ARSG: variants seen among roughly 807,000 people sequenced by gnomAD.
ARSG encodes arylsulfatase G, also known as ASG.
In ARSG, 37 loss-of-function variants were observed where a neutral mutation model predicts 50.5. The observed-to-expected ratio is 0.73, with a 90% CI of 0.56 to 0.96. The LOEUF is 0.96. Among genes scored for constraint, ARSG ranks in the 50% least tolerant of loss-of-function variants. The pLI, the probability that ARSG is intolerant of heterozygous loss-of-function variation, is 0.00. For synonymous variants in ARSG, 225 were observed against 254.6 expected, an observed-to-expected ratio of 0.88 and a Z score of 1.11; for missense variants, 629 against 675.3, an observed-to-expected ratio of 0.93 and a Z score of 0.76.
intron 4 of ARSG, among the ~76,000 whole-genome samples, chr17:68,348,646 C>T (rs575890037): frequency 2.6e-5 from 4 of 152,242 alleles, no homozygotes; most frequent in East Asian, 3.9e-4. Flanking sequence ...CAACCTCCGC[C>T]TCCCAGGTTC....
intron 1 of ARSG, among the ~76,000 whole-genome samples, chr17:68,285,884 C>G (rs1235290157): frequency 6.6e-6 from 1 of 152,044 alleles, no homozygotes; most frequent in Non-Finnish European, 1.5e-5. Context: ...GTCAGCCTCC[C>G]AAGTAGCTGG....
At chr17:68,435,076 A>G in the ARSG span, among the ~76,000 whole-genome samples, 1 of 152,072 alleles carries the variant, frequency 6.6e-6, no homozygotes, top group Non-Finnish European at 1.5e-5. Flanking sequence ...GCGTGGCAGC[A>G]TGTGCCTGTA....
At chr17:68,387,667 T>C (rs922132259) in intron 9 of ARSG, among the ~76,000 whole-genome samples, 6 of 152,206 alleles carry the variant, frequency 3.9e-5, no homozygotes, top group African/African-American at 7.2e-5. Flanking sequence ...CTTCATGTTG[T>C]TGGGAGCCCA....
At chr17:68,268,948 T>C in intron 1 of ARSG, 1 of 1,464,372 alleles carries the variant, frequency 6.8e-7, no homozygotes, top group Non-Finnish European at 9.2e-7. Context: ...AAAGCGATGT[T>C]GGTAGTGCTC....
At chr17:68,430,256 G>T in the ARSG span, 1 of 1,255,374 alleles carries the variant, frequency 8.0e-7, no homozygotes, top group Non-Finnish European at 1.1e-6. Context: ...CACACTCCCC[G>T]CAGCAGGGAG....
exon 1 of ARSG, chr17:68,259,211 C>T (rs1323936663): frequency 6.6e-6 from 1 of 152,250 alleles, no homozygotes; most frequent in Non-Finnish European, 1.5e-5. Context: ...GGCCCAGCAG[C>T]TGCGAACCGC....
At chr17:68,382,680 C>T (rs2080496425) in intron 8 of ARSG, among the ~76,000 whole-genome samples, 1 of 152,166 alleles carries the variant, frequency 6.6e-6, no homozygotes, top group Non-Finnish European at 1.5e-5. Context: ...AAGTTTTGTC[C>T]ACTCCTAGCA....
chr17:68,403,869 C>T (rs2081588679), intron 11 of ARSG, among the ~76,000 whole-genome samples: 1 of 152,112 alleles, frequency 6.6e-6, no homozygotes, highest in African/African-American at 2.4e-5. Flanking sequence ...TCACCCCACC[C>T]CACGACAGGC....
upstream of ARSG, among the ~76,000 whole-genome samples, chr17:68,289,225 G>A (rs2075910582): frequency 6.6e-6 from 1 of 152,120 alleles, no homozygotes; most frequent in Admixed American, 6.6e-5. Flanking sequence ...TTGAGCCCGG[G>A]AGGTCGAGGC....
At chr17:68,422,391 T>C (rs1377398762), downstream of ARSG, 1 of 140,212 alleles carries the variant, frequency 7.1e-6, no homozygotes, top group Non-Finnish European at 1.5e-5. Flanking sequence ...ATCGCACCAC[T>C]GCACTCCAGC....
Position 68,420,332 on chromosome 17 carries a change from A to G in ARSG, c.1447A>G (p.Arg483Gly). 6.2e-7 allele frequency: 1 copy of G among 1,614,196 alleles called. No individual in the cohort carries two copies. Among genetic ancestry groups the G allele is most frequent in the Non-Finnish European group, 8.5e-7 (1 of 1,180,042 alleles). ...GTACCAGGCTGTGCTGCCCGAGGTC[A>G]GAAAGGTTCTTGCAGACGTCCTCCA... Reference protein sequence around the residue: ...AEYQAVLPEVRKVLADVLQDI... With the variant: ...AEYQAVLPEVGKVLADVLQDI... The change falls in exon 12 of 12, where the codon AGA becomes GGA. Residue 483 changes from arginine to glycine, a missense_variant. Transcript: ENST00000621439.
intron 6 of ARSG, among the ~76,000 whole-genome samples, chr17:68,362,550 C>T (rs990782639): frequency 6.6e-6 from 1 of 152,082 alleles, no homozygotes; most frequent in African/African-American, 2.4e-5. Context: ...TCCACAGCAA[C>T]TTGTATTTCT....
chr17:68,418,627 A>C (rs1410205569), intron 11 of ARSG, among the ~76,000 whole-genome samples: 1 of 152,198 alleles, frequency 6.6e-6, no homozygotes, highest in Non-Finnish European at 1.5e-5. Flanking sequence ...GCCCCTATAG[A>C]CTTCCTTGTA....
At position 68,328,177 on chromosome 17, in the gene ARSG, C is replaced by T. The variant is rs576635142; in HGVS notation, c.219-15427C>T. Among the ~76,000 whole-genome samples, 7 of 152,204 alleles carry T rather than the reference C, an allele frequency of 4.6e-5. No individual in the cohort carries two copies. In the South Asian group the frequency reaches 1.0e-3, roughly 23 times the overall value. ...CCCAGAGTTCCATCCACTCACATCC[C>T]GCTCACTTATTGCCCCTCCACACAC... is the stretch of plus-strand genomic sequence containing the variant. On this transcript the variant is annotated intron_variant, in intron 2 of 11. Transcript: ENST00000621439.
At position 68,385,138 on chromosome 17, in the gene ARSG, G is replaced by C. The variant is rs376148240; in HGVS notation, c.1057G>C (p.Val353Leu). The C allele has an allele frequency of 3.7e-6, 6 of 1,614,068 alleles. No individual in the cohort carries two copies. The highest frequency in any genetic ancestry group is 5.1e-6 in the Non-Finnish European group (6 of 1,179,966). The change falls in exon 9 of 12, where the codon GTT becomes CTT. Residue 353 changes from valine to leucine, a missense_variant. Physicochemically the swap from Val to Leu is conservative, Grantham distance 32. Transcript: ENST00000621439. ...AGCACTGGCTTACTGGCCTGGCAGA[G>C]TTCCAGTTAATGTCACCAGCACTGC... Reference protein sequence around the residue: ...VPALAYWPGRVPVNVTSTALL... With the variant: ...VPALAYWPGRLPVNVTSTALL...
intron 11 of ARSG, among the ~76,000 whole-genome samples, chr17:68,415,941 A>G (rs1208879260): frequency 1.3e-5 from 2 of 152,144 alleles, no homozygotes; most frequent in African/African-American, 4.8e-5. Flanking sequence ...AAGGCAGCAG[A>G]TGGTTGGTTG....
chr17:68,329,870 G>A (rs181373451), intron 2 of ARSG, among the ~76,000 whole-genome samples: 6 of 152,268 alleles, frequency 3.9e-5, no homozygotes, highest in East Asian at 1.9e-4. Flanking sequence ...GTGTTGGGCC[G>A]CATTCAAGCT....
chr17:68,301,136 T>C (rs1007464707), intron 1 of ARSG, among the ~76,000 whole-genome samples: 7 of 151,210 alleles, frequency 4.6e-5, no homozygotes, highest in Non-Finnish European at 1.0e-4. Context: ...AAAAAAAGCA[T>C]TTTAATTACG....
intron 4 of ARSG, 138 bp downstream of exon 4, chr17:68,347,310 G>A: frequency 1.0e-6 from 1 of 994,366 alleles, no homozygotes; most frequent in Admixed American, 2.0e-5. Context: ...GGTCATTTGA[G>A]TGCATTTGGG....
Sources: gnomAD v4.1 joint callset for allele counts (sites outside exome capture counted in the v4.1 genomes callset) on GRCh38, gnomAD v4.1.1 for gene constraint, MANE v1.5 for transcripts, NCBI Gene and HGNC (gene_info 2026-07-23, HGNC 2026-07-21) for gene names.